FASTKD2: variants seen among roughly 807,000 people sequenced by gnomAD.
FASTKD2 encodes FAST kinase domains 2.
Under a neutral mutation model 63.6 loss-of-function variants are expected in FASTKD2, and 51 were observed. The observed-to-expected ratio is 0.80, with a 90% CI of 0.64 to 1.01. The LOEUF is 1.01. FASTKD2 is among the 50% of genes least tolerant of loss of function. FASTKD2 has a pLI of 0.00. For synonymous variants in FASTKD2, 284 were observed against 293.4 expected (o/e 0.97, Z 0.33); for missense variants, 786 against 831.1 (o/e 0.95, Z 0.67).
intron 2 of FASTKD2, among the ~76,000 whole-genome samples, chr2:206,769,470 G>A (rs1689609213): frequency 6.6e-6 from 1 of 152,166 alleles, no homozygotes; most frequent in Non-Finnish European, 1.5e-5. Context: ...TCACTTTCCA[G>A]ATTATGCCCA....
intron 7 of FASTKD2, among the ~76,000 whole-genome samples, chr2:206,779,186 T>C (rs1335179565): frequency 6.6e-6 from 1 of 152,238 alleles, no homozygotes; most frequent in Non-Finnish European, 1.5e-5. Flanking sequence ...TTGTCTGATA[T>C]AAGTATGGCT....
rs887430290 is a variant in FASTKD2 at position 206,767,389 on chromosome 2, A to G, written c.696A>G (p.Leu232=). The G allele has an allele frequency of 3.1e-6, 5 of 1,613,846 alleles. No homozygotes were observed. Among genetic ancestry groups the G allele is most frequent in the African/African-American group, 1.3e-5 (1 of 75,058 alleles). ...REAKIMQYKY[L]LFSLHAIVKL... is the part of the protein sequence containing the mutation. ...CCAAGATCATGCAGTATAAGTACCT[A>G]CTGTTCAGTCTTCACGCCATAGTGA... The change falls in exon 2 of 12, where the codon CTA becomes CTG. Residue 232 remains leucine, a synonymous_variant. Transcript: ENST00000402774.
At chr2:206,790,540 A>T (rs746217383) in intron 10 of FASTKD2, 32 bp from the exon 11 acceptor site, 76 of 1,253,532 alleles carry the variant, frequency 6.1e-5, no homozygotes, top group Non-Finnish European at 9.4e-6. Context: ...AATATCAATA[A>T]CTGTTCTTGT....
chr2:206,789,016 G>A, intron 10 of FASTKD2, 113 bp downstream of exon 10: 1 of 706,036 alleles, frequency 1.4e-6, no homozygotes, highest in Non-Finnish European at 2.6e-6. Context: ...TATGGAGCCT[G>A]CAGCACACCA....
chr2:206,782,048 C>T (rs1175466587), intron 7 of FASTKD2, among the ~76,000 whole-genome samples: 1 of 152,136 alleles, frequency 6.6e-6, no homozygotes, highest in Admixed American at 6.5e-5. Context: ...AGCTGTCCAC[C>T]CCTTTTCCTT....
intron 7 of FASTKD2, among the ~76,000 whole-genome samples, chr2:206,777,151 T>C (rs922621074): frequency 2.0e-5 from 3 of 152,120 alleles, no homozygotes; most frequent in Non-Finnish European, 4.4e-5. Flanking sequence ...TCTGATTTGG[T>C]TGTTTTTCTT....
In FASTKD2 at chr2:206,786,715, CTT is replaced by C; in HGVS notation, c.1428-15_1428-14del. 1 of 1,611,776 alleles carries C rather than the reference CTT, an allele frequency of 6.2e-7. No individual in the cohort carries two copies. The highest frequency in any genetic ancestry group is 8.5e-7 in the Non-Finnish European group (1 of 1,177,930). On this transcript the variant is annotated splice_polypyrimidine_tract_variant and intron_variant, in intron 7 of 11. Coordinates refer to ENST00000402774, the MANE Select transcript of FASTKD2 (RefSeq NM_001136193.2). ...CCTTCTGTATATGTTGGGAAACTGACTTTTCTTTGTTCCCCAGACAGTTCGTG... is the reference window on the plus strand; with the variant it reads ...CCTTCTGTATATGTTGGGAAACTGACTTCTTTGTTCCCCAGACAGTTCGTG...
chr2:206,792,296 A>G lies in FASTKD2; in HGVS notation c.*494A>G, dbSNP rs1690306420. 1 of 174,340 alleles carries G rather than the reference A, an allele frequency of 5.7e-6. No individual in the cohort carries two copies. The highest frequency in any genetic ancestry group is 2.4e-5 in the African/African-American group (1 of 41,630). 10.8% of individuals were successfully genotyped at this position (174,340 alleles called of 1,614,324 possible). A position where few individuals can be genotyped will look rare whatever the true frequency, so the allele number is the denominator to read the frequency against. On this transcript the variant is annotated 3_prime_UTR_variant, in exon 12 of 12. Transcript: ENST00000402774. ...TAAGAATTAGTGAGGTAGCTGTTGA[A>G]AATGAGTGAGGATGGTATTTGTATT...
At chr2:206,770,000 A>G (rs1689625384) in intron 2 of FASTKD2, 91 bp from the exon 3 acceptor site, 1 of 809,776 alleles carries the variant, frequency 1.2e-6, no homozygotes, top group Non-Finnish European at 2.2e-6. Context: ...CAATCGTTTT[A>G]TTCAGTACAT....
At position 206,765,621 on chromosome 2, in the gene FASTKD2, G is replaced by T; in HGVS notation, c.-177G>T. ...GCTTCTCGGGGAAGCTGTCATGGCT[G>T]CTCCTGTACGTAGTCACGGTCTTGT... On this transcript the variant is annotated 5_prime_UTR_variant, in exon 1 of 12. Transcript: ENST00000402774. 1.3e-6 allele frequency: 1 copy of T among 792,814 alleles called. No homozygotes were observed. Among genetic ancestry groups the T allele is most frequent in the Non-Finnish European group, 1.6e-6 (1 of 635,344 alleles). 49.1% of individuals were successfully genotyped at this position (792,814 alleles called of 1,614,324 possible).
chr2:206,767,510 T>A (rs778864889), intron 2 of FASTKD2, 40 bp downstream of exon 2: 25 of 1,521,912 alleles, frequency 1.6e-5, no homozygotes, highest in Non-Finnish European at 2.0e-5. Context: ...TTTACTTGAT[T>A]TAGAATATTT....
In FASTKD2 at chr2:206,790,765, A is replaced by G. The variant is rs931425226; in HGVS notation, c.2013+79A>G. 2.9e-4 allele frequency: 251 copies of G among 857,442 alleles called. 2 individuals carry two copies. The highest frequency in any genetic ancestry group is 3.4e-4 in the Non-Finnish European group (169 of 495,694). The allele number at this position is 857,442 out of a possible 1,614,324, so 53.1% of individuals were successfully genotyped here. On this transcript the variant is annotated intron_variant, in intron 11 of 11. Coordinates refer to ENST00000402774, the MANE Select transcript of FASTKD2 (RefSeq NM_001136193.2). ...AGCTGCCAGGAATCTTGTGGTTGAG[A>G]CTGGTTACTAGGACTAGAGGAATTG... is the stretch of plus-strand genomic sequence containing the variant.
intron 1 of FASTKD2, among the ~76,000 whole-genome samples, chr2:206,766,278 A>C (rs1004805238): frequency 6.6e-6 from 1 of 151,236 alleles, no homozygotes; most frequent in African/African-American, 2.4e-5. Flanking sequence ...AAAAAAAAAA[A>C]AAAAAAACAG....
At chr2:206,783,490 A>C (rs567006882) in intron 7 of FASTKD2, among the ~76,000 whole-genome samples, 1 of 152,024 alleles carries the variant, frequency 6.6e-6, no homozygotes, top group East Asian at 1.9e-4. Flanking sequence ...CCCTGGCTTC[A>C]TTTTCTTCTG....
chr2:206,766,662 T>C lies in FASTKD2; in HGVS notation c.-32T>C. On this transcript the variant is annotated 5_prime_UTR_variant, in exon 2 of 12. Transcript: ENST00000402774. Reference sequence around the variant, plus strand: ...CCTACAGGAAAACGACAGCACGTGTTCTTTTTCACTAGTAGAAGTGACGTT... The same window carrying C: ...CCTACAGGAAAACGACAGCACGTGTCCTTTTTCACTAGTAGAAGTGACGTT... 6.3e-7 allele frequency: 1 copy of C among 1,599,086 alleles called. No individual in the cohort carries two copies. Among genetic ancestry groups the C allele is most frequent in the Non-Finnish European group, 8.6e-7 (1 of 1,166,362 alleles).
chr2:206,793,079 G>A lies in FASTKD2; in HGVS notation c.*1277G>A, dbSNP rs774614672. Among the ~76,000 whole-genome samples the A allele has an allele frequency of 2.6e-5, 4 of 151,874 alleles. No homozygotes were observed. Among genetic ancestry groups the A allele is most frequent in the African/African-American group, 4.8e-5 (2 of 41,370 alleles). On this transcript the variant is annotated 3_prime_UTR_variant, in exon 12 of 12. Coordinates refer to ENST00000402774, the MANE Select transcript of FASTKD2 (RefSeq NM_001136193.2). ...TCTACTAAAATACAAAAAATTAGCCGGGCATGGTGGTGCATGCCTATAATC... is the reference window on the plus strand; with the variant it reads ...TCTACTAAAATACAAAAAATTAGCCAGGCATGGTGGTGCATGCCTATAATC...
intron 7 of FASTKD2, among the ~76,000 whole-genome samples, chr2:206,774,949 G>C (rs1260792325): frequency 6.6e-6 from 1 of 151,726 alleles, no homozygotes; most frequent in Admixed American, 6.6e-5. Flanking sequence ...TGTAATCTCT[G>C]TTTCTATGAC....
Position 206,775,331 on chromosome 2 carries a change from CTT to C in FASTKD2, c.1427+945_1427+946del, listed in dbSNP as rs34694536. Among the ~76,000 whole-genome samples, 98 of 146,222 alleles carry C rather than the reference CTT, an allele frequency of 6.7e-4. No individual in the cohort carries two copies. In the East Asian group the frequency reaches 7.7e-3, roughly 12 times the overall value. ...TAAGGGTTCTACTTTTACCAAATGC[CTT>C]TTTTTTTTTTAGCATCAGTTGAAAT... On this transcript the variant is annotated intron_variant, in intron 7 of 11. Transcript: ENST00000402774.
In FASTKD2 at chr2:206,792,824, T is replaced by A. The variant is rs1339941189; in HGVS notation, c.*1022T>A. Among the ~76,000 whole-genome samples, 1 of 152,234 alleles carries A rather than the reference T, an allele frequency of 6.6e-6. No individual in the cohort carries two copies. Among genetic ancestry groups the A allele is most frequent in the African/African-American group, 2.4e-5 (1 of 41,454 alleles). Reference sequence around the variant, plus strand: ...GTAGCTGCTATTATGATTCTCTCTGTGTCTTCACTTCCTCATCTCTAAAAT... The same window carrying A: ...GTAGCTGCTATTATGATTCTCTCTGAGTCTTCACTTCCTCATCTCTAAAAT... On this transcript the variant is annotated 3_prime_UTR_variant, in exon 12 of 12. Transcript: ENST00000402774.
Sources: gnomAD v4.1 joint callset for allele counts (sites outside exome capture counted in the v4.1 genomes callset) on GRCh38, gnomAD v4.1.1 for gene constraint, MANE v1.5 for transcripts, NCBI Gene and HGNC (gene_info 2026-07-23, HGNC 2026-07-21) for gene names.